The following FNDC3A variants were observed in gnomAD, a reference collection of about 807,000 sequenced individuals.
The protein encoded by FNDC3A is fibronectin type-III domain-containing protein 3A.
In FNDC3A, 32 loss-of-function variants were observed where a neutral mutation model predicts 148.9. That is an observed-to-expected ratio of 0.21 (90% CI 0.16 to 0.29). The LOEUF is 0.29. Ranked by LOEUF, FNDC3A falls within the 10% of genes least tolerant of loss-of-function variation. The pLI is 1.00. For synonymous variants in FNDC3A, 472 were observed against 473.6 expected, an observed-to-expected ratio of 1.00 and a Z score of 0.04; for missense variants, 1,191 against 1,452.8, an observed-to-expected ratio of 0.82 and a Z score of 2.93.
At chr13:49,161,096 A>G (rs536591356) in intron 8 of FNDC3A, among the ~76,000 whole-genome samples, 39 of 152,196 alleles carry the variant, frequency 2.6e-4, no homozygotes, top group African/African-American at 8.2e-4. Context: ...TGTATATTCT[A>G]TTGATTTGGG....
At chr13:49,185,535 T>G (rs1489455208) in intron 14 of FNDC3A, among the ~76,000 whole-genome samples, 1 of 152,180 alleles carries the variant, frequency 6.6e-6, no homozygotes, top group African/African-American at 2.4e-5. Context: ...AGTGAGTCAT[T>G]AAGTATAACA....
At chr13:49,074,469 G>C (rs564418619) in intron 2 of FNDC3A, among the ~76,000 whole-genome samples, 45 of 152,274 alleles carry the variant, frequency 3.0e-4, no homozygotes, top group African/African-American at 1.0e-3. Flanking sequence ...GTAGAGAGGT[G>C]AAAACTGCAT....
intron 2 of FNDC3A, among the ~76,000 whole-genome samples, chr13:49,032,234 C>T (rs1874170988): frequency 6.6e-6 from 1 of 151,754 alleles, no homozygotes; most frequent in Admixed American, 6.6e-5. Context: ...CCTGGCAGTT[C>T]CTAAGACAGT....
At chr13:49,194,800 C>T (rs143635429) in intron 19 of FNDC3A, among the ~76,000 whole-genome samples, 97 of 151,780 alleles carry the variant, frequency 6.4e-4, no homozygotes, top group African/African-American at 2.0e-3. Flanking sequence ...TTTTTTTTCC[C>T]ATTTTCTGAG....
At chr13:49,126,629 TA>T (rs1881718851) in intron 4 of FNDC3A, among the ~76,000 whole-genome samples, 1 of 152,128 alleles carries the variant, frequency 6.6e-6, no homozygotes, top group Non-Finnish European at 1.5e-5. Flanking sequence ...ACAAAGTAGA[TA>T]AGAACATGGA....
chr13:49,092,090 A>G (rs1879228849), intron 3 of FNDC3A, among the ~76,000 whole-genome samples: 1 of 152,230 alleles, frequency 6.6e-6, no homozygotes, highest in Non-Finnish European at 1.5e-5. Context: ...GGGGCCTGCC[A>G]AAGGCTCCAA....
At chr13:48,990,676 C>A (rs1176681609) in intron 1 of FNDC3A, among the ~76,000 whole-genome samples, 1 of 150,992 alleles carries the variant, frequency 6.6e-6, no homozygotes, top group Non-Finnish European at 1.5e-5. Flanking sequence ...TTGGGAGGAT[C>A]GCTTGAACCC....
chr13:49,119,816 G>T (rs1052918476), intron 4 of FNDC3A, among the ~76,000 whole-genome samples: 1 of 151,994 alleles, frequency 6.6e-6, no homozygotes, highest in African/African-American at 2.4e-5. Context: ...AACGAACAAA[G>T]CCTCCAAGAA....
In FNDC3A at chr13:49,181,511, G is replaced by C. The variant is rs1199261116; in HGVS notation, c.1617+2857G>C. On this transcript the variant is annotated intron_variant, in intron 14 of 25. Transcript: ENST00000492622. The stretch of plus-strand genomic sequence containing the variant: ...CCAAAATTTGGAAACAACTGATCTA[G>C]AGGAGGAAAAAAAAACAGGAAGTAG... Among the ~76,000 whole-genome samples, 6 of 152,068 alleles carry C rather than the reference G, an allele frequency of 3.9e-5. No homozygotes were observed. In the East Asian group the frequency reaches 1.2e-3, roughly 29 times the overall value.
chr13:49,009,227 G>T (rs750442663), intron 2 of FNDC3A, among the ~76,000 whole-genome samples: 5 of 152,154 alleles, frequency 3.3e-5, no homozygotes, highest in Non-Finnish European at 7.4e-5. Context: ...ACAGTATGTA[G>T]CCCTTTCAGA....
intron 2 of FNDC3A, among the ~76,000 whole-genome samples, chr13:49,049,877 G>C (rs1343649246): frequency 6.6e-6 from 1 of 151,908 alleles, no homozygotes; most frequent in Non-Finnish European, 1.5e-5. Context: ...GTGCCACTAT[G>C]CCCGGCTAAT....
intron 3 of FNDC3A, among the ~76,000 whole-genome samples, chr13:49,088,728 CT>C (rs1240023298): frequency 6.6e-6 from 1 of 151,334 alleles, no homozygotes; most frequent in Non-Finnish European, 1.5e-5. Context: ...GTCTTTTTTT[CT>C]TTTTTTTCTT....
At chr13:49,009,809 A>G (rs1245674638) in intron 2 of FNDC3A, among the ~76,000 whole-genome samples, 1 of 152,128 alleles carries the variant, frequency 6.6e-6, no homozygotes, top group African/African-American at 2.4e-5. Context: ...CTACTTACTT[A>G]CCTTCCAAAA....
intron 1 of FNDC3A, among the ~76,000 whole-genome samples, chr13:48,996,107 G>A (rs917247324): frequency 6.6e-5 from 10 of 152,154 alleles, no homozygotes; most frequent in African/African-American, 2.4e-4. Flanking sequence ...AGCCAAATAT[G>A]TGTAGTTGCC....
At chr13:49,083,907 C>T (rs143324628) in intron 3 of FNDC3A, among the ~76,000 whole-genome samples, 213 of 152,244 alleles carry the variant, frequency 1.4e-3, no homozygotes, top group African/African-American at 5.0e-3. Flanking sequence ...ACTAAAGATG[C>T]TTTGATTCCA....
At position 48,989,739 on chromosome 13, in the gene FNDC3A, A is replaced by G. The variant is rs1004889141; in HGVS notation, c.-40+13562A>G. 2.6e-5 allele frequency among the ~76,000 whole-genome samples: 4 copies of G among 151,766 alleles called. No individual in the cohort carries two copies. In the East Asian group the frequency reaches 7.7e-4, roughly 29 times the overall value. On this transcript the variant is annotated intron_variant, in intron 1 of 25. Transcript: ENST00000492622. ...CTCTGCTAAAACACATCATAATCAA[A>G]TCACTTAAAGATAACTTTTTTTTTT...
At chr13:49,095,531 A>G (rs2137826107) in intron 3 of FNDC3A, 1 of 152,150 alleles carries the variant, frequency 6.6e-6, no homozygotes, top group South Asian at 2.1e-4. Flanking sequence ...AAGGTAGAGA[A>G]TCTTTATACC....
At chr13:49,150,277 T>C (rs1051746479) in intron 8 of FNDC3A, among the ~76,000 whole-genome samples, 2 of 152,056 alleles carry the variant, frequency 1.3e-5, no homozygotes, top group African/African-American at 4.8e-5. Flanking sequence ...GGCTGTCTGC[T>C]CTGATCTTTA....
intron 2 of FNDC3A, among the ~76,000 whole-genome samples, chr13:49,024,797 C>CGAAA (rs1873580470): frequency 1.3e-5 from 2 of 151,776 alleles, no homozygotes; most frequent in African/African-American, 4.8e-5. Context: ...GGGGAAAAGC[C>CGAAA]GAAAGCTTTT....
Sources: allele counts gnomAD v4.1 joint callset (sites outside exome capture counted in the v4.1 genomes callset), GRCh38; gene constraint gnomAD v4.1.1; transcripts MANE v1.5; gene names NCBI Gene and HGNC (gene_info 2026-07-23, HGNC 2026-07-21).